Variants in ROBO2 observed in about 807,000 individuals in gnomAD.
ROBO2 encodes roundabout guidance receptor 2, also known as roundabout homolog 2.
A neutral mutation model predicts 160.8 loss-of-function variants in ROBO2; 53 were observed. That is an observed-to-expected ratio of 0.33 (90% CI 0.26 to 0.41). The LOEUF (loss-of-function observed/expected upper bound fraction) is 0.41, where lower values mean the gene tolerates loss of function less well. Among genes scored for constraint, ROBO2 ranks in the 10% least tolerant of loss-of-function variants. The pLI is 1.00. For missense variants in ROBO2, 1,577 were observed against 1,722.4 expected (o/e 0.92, Z 1.49); for synonymous variants, 664 against 611.7 (o/e 1.09, Z -1.26).
chr3:76,089,957 A>G (rs570306614), intron 2 of ROBO2, among the ~76,000 whole-genome samples: 1 of 152,304 alleles, frequency 6.6e-6, no homozygotes, highest in East Asian at 1.9e-4. Flanking sequence ...CTCCTGGAAT[A>G]TTAGTGATTA....
intron 2 of ROBO2, among the ~76,000 whole-genome samples, chr3:77,336,321 G>C (rs965518266): frequency 5.9e-5 from 9 of 152,068 alleles, no homozygotes; most frequent in Non-Finnish European, 8.8e-5. Context: ...TTCAGCAAAA[G>C]ATTGTAACAT....
intron 2 of ROBO2, among the ~76,000 whole-genome samples, chr3:76,671,764 G>A (rs763311447): frequency 4.2e-4 from 64 of 151,792 alleles, no homozygotes; most frequent in Non-Finnish European, 8.7e-4. Flanking sequence ...ATAAACTTTT[G>A]TGCAGATATT....
intron 2 of ROBO2, among the ~76,000 whole-genome samples, chr3:76,317,583 C>T (rs528589841): frequency 2.6e-4 from 39 of 152,162 alleles, no homozygotes; most frequent in African/African-American, 6.7e-4. Flanking sequence ...ATAATCATTA[C>T]GTCTGAGTTT....
intron 2 of ROBO2, among the ~76,000 whole-genome samples, chr3:76,595,685 T>C (rs2086691340): frequency 6.6e-6 from 1 of 152,116 alleles, no homozygotes; most frequent in Admixed American, 6.6e-5. Flanking sequence ...CACTGATGTA[T>C]GGTTCCCTGA....
At chr3:77,450,125 T>C (rs891280223) in intron 2 of ROBO2, among the ~76,000 whole-genome samples, 3 of 152,150 alleles carry the variant, frequency 2.0e-5, no homozygotes, top group Admixed American at 1.3e-4. Flanking sequence ...AGATACTCTC[T>C]AGACAGTTTT....
intron 2 of ROBO2, among the ~76,000 whole-genome samples, chr3:77,134,037 G>A (rs1302287189): frequency 1.3e-5 from 2 of 152,084 alleles, no homozygotes; most frequent in African/African-American, 4.8e-5. Flanking sequence ...TTAGCCAGGT[G>A]CGGTGGCACA....
At chr3:76,005,284 C>T (rs908659947) in intron 2 of ROBO2, among the ~76,000 whole-genome samples, 4 of 152,180 alleles carry the variant, frequency 2.6e-5, no homozygotes, top group Non-Finnish European at 4.4e-5. Flanking sequence ...AGCACTGAGT[C>T]CCTCTGAGCA....
chr3:77,106,944 G>A (rs747668820), intron 2 of ROBO2, among the ~76,000 whole-genome samples: 11 of 152,178 alleles, frequency 7.2e-5, no homozygotes, highest in Non-Finnish European at 1.5e-4. Flanking sequence ...GTCCTCCTTT[G>A]TCTACTAAGA....
At chr3:77,191,546 T>A (rs1429583961) in intron 2 of ROBO2, among the ~76,000 whole-genome samples, 1 of 152,218 alleles carries the variant, frequency 6.6e-6, no homozygotes, top group Admixed American at 6.6e-5. Flanking sequence ...GTATTCCATT[T>A]TATCTAATAA....
At chr3:76,844,631 C>T (rs1195486398) in intron 2 of ROBO2, among the ~76,000 whole-genome samples, 10 of 151,786 alleles carry the variant, frequency 6.6e-5, no homozygotes, top group Admixed American at 5.9e-4. Flanking sequence ...GTTCAAAATC[C>T]AATTTAAGGG....
intron 2 of ROBO2, among the ~76,000 whole-genome samples, chr3:76,113,337 A>G (rs2070323070): frequency 6.6e-6 from 1 of 152,076 alleles, no homozygotes; most frequent in Non-Finnish European, 1.5e-5. Flanking sequence ...AAAAATCTGA[A>G]TATTAATTTA....
chr3:76,111,247 G>A (rs2070215511), intron 2 of ROBO2, among the ~76,000 whole-genome samples: 1 of 152,042 alleles, frequency 6.6e-6, no homozygotes. Flanking sequence ...TGTGAGAACA[G>A]AGGCAGAGAT....
chr3:76,672,357 A>G (rs1252134323), intron 2 of ROBO2, among the ~76,000 whole-genome samples: 1 of 152,208 alleles, frequency 6.6e-6, no homozygotes, highest in Non-Finnish European at 1.5e-5. Flanking sequence ...ACACTTAGCT[A>G]TAAGTCATAC....
chr3:76,776,257 C>A (rs765079962), intron 2 of ROBO2, among the ~76,000 whole-genome samples: 10 of 150,828 alleles, frequency 6.6e-5, no homozygotes, highest in African/African-American at 9.7e-5. Flanking sequence ...CATAATAATT[C>A]AAATAATACC....
chr3:76,690,472 G>A (rs2092777567), intron 2 of ROBO2, among the ~76,000 whole-genome samples: 1 of 151,916 alleles, frequency 6.6e-6, no homozygotes, highest in African/African-American at 2.4e-5. Context: ...CACCATCTTG[G>A]AATCAGAGAT....
At chr3:76,198,053 G>A (rs569267680) in intron 2 of ROBO2, among the ~76,000 whole-genome samples, 3 of 152,100 alleles carry the variant, frequency 2.0e-5, no homozygotes, top group Admixed American at 6.6e-5. Context: ...CCGACTAAAC[G>A]GATCCCTCCT....
intron 2 of ROBO2, among the ~76,000 whole-genome samples, chr3:77,220,825 G>T (rs961546586): frequency 1.3e-5 from 2 of 151,604 alleles, no homozygotes; most frequent in Non-Finnish European, 2.9e-5. Context: ...TCATCTTTTT[G>T]AAAAAAAGAT....
chr3:76,299,445 T>C (rs1348061111), intron 2 of ROBO2, among the ~76,000 whole-genome samples: 1 of 152,138 alleles, frequency 6.6e-6, no homozygotes, highest in Non-Finnish European at 1.5e-5. Context: ...GAAGCCAGTA[T>C]GGCTGGCACA....
intron 2 of ROBO2, among the ~76,000 whole-genome samples, chr3:76,892,381 A>G (rs534422387): frequency 3.4e-4 from 52 of 152,268 alleles, no homozygotes; most frequent in Non-Finnish European, 2.5e-4. Flanking sequence ...CCTGTCATCT[A>G]CTTAGCCCAT....
Sources: allele counts gnomAD v4.1 joint callset (sites outside exome capture counted in the v4.1 genomes callset), GRCh38; gene constraint gnomAD v4.1.1; transcripts MANE v1.5; gene names NCBI Gene and HGNC (gene_info 2026-07-23, HGNC 2026-07-21).